Variants in PACS2 observed in about 807,000 individuals in gnomAD.
PACS2 encodes PACS1-like protein.
PACS2 carries 36 observed loss-of-function variants against 113.0 expected under a neutral mutation model. The observed-to-expected ratio is 0.32, with a 90% CI of 0.24 to 0.42. PACS2 has a LOEUF of 0.42. Ranked by LOEUF, PACS2 falls within the 10% of genes least tolerant of loss-of-function variation. The pLI, the probability that PACS2 is intolerant of heterozygous loss-of-function variation, is 1.00. For missense variants in PACS2, 1,015 were observed against 1,239.5 expected (o/e 0.82, Z 2.72); for synonymous variants, 589 against 536.1 (o/e 1.10, Z -1.36).
chr14:105,333,222 G>C (rs1272563148), intron 1 of PACS2, among the ~76,000 whole-genome samples: 3 of 152,214 alleles, frequency 2.0e-5, no homozygotes, highest in Non-Finnish European at 4.4e-5. Context: ...ATGTGCTCCT[G>C]GTTCCCTCTC....
chr14:105,392,812 A>G lies in PACS2; in HGVS notation c.2449A>G (p.Met817Val). ...GEAAATPTMS[M>V]TVVTKEKNKK... ...GGCTGCAGCCACGCCCACCATGTCC[A>G]TGACCGTGGTCACCAAGGAGAAGAA... Residue 817 changes from methionine to valine, a missense_variant, in exon 23 of 25, where the codon ATG becomes GTG. Coordinates refer to ENST00000447393, the MANE Select transcript of PACS2 (RefSeq NM_001100913.3). 2 of 1,607,740 alleles carry G rather than the reference A, an allele frequency of 1.2e-6. No individual in the cohort carries two copies. The highest frequency in any genetic ancestry group is 1.7e-6 in the Non-Finnish European group (2 of 1,179,832).
intron 1 of PACS2, among the ~76,000 whole-genome samples, chr14:105,335,859 G>A (rs1263963236): frequency 1.3e-5 from 2 of 152,240 alleles, no homozygotes; most frequent in Non-Finnish European, 2.9e-5. Context: ...GGACGGGCTG[G>A]GTGGTAAGTG....
chr14:105,315,127 G>T lies in PACS2; in HGVS notation c.119+90G>T. The stretch of plus-strand genomic sequence containing the variant: ...TCTGCGCGCCCCATCCCCGGCCCGG[G>T]TCCCCCAGCGGAGCCCAGGTCGCCC... On this transcript the variant is annotated intron_variant, in intron 1 of 24. Coordinates refer to ENST00000447393, the MANE Select transcript of PACS2 (RefSeq NM_001100913.3). The surrounding 1 kb of genome is among the most constrained non-coding windows in gnomAD (Gnocchi z 4.4). 1 of 823,446 alleles carries T rather than the reference G, an allele frequency of 1.2e-6. No homozygotes were observed. Among genetic ancestry groups the T allele is most frequent in the African/African-American group, 1.9e-5 (1 of 53,826 alleles). 51.0% of individuals were successfully genotyped at this position (823,446 alleles called of 1,614,324 possible). A position where few individuals can be genotyped will look rare whatever the true frequency, so the allele number is the denominator to read the frequency against.
chr14:105,369,568 G>A (rs1046749611), intron 7 of PACS2, among the ~76,000 whole-genome samples: 2 of 152,194 alleles, frequency 1.3e-5, no homozygotes, highest in African/African-American at 4.8e-5. Flanking sequence ...GAAGGGCCCC[G>A]TGAGCCTGGG....
In PACS2 at chr14:105,367,382, G is replaced by T. The variant is rs1555408218; in HGVS notation, c.586+7G>T. 3.7e-6 allele frequency: 6 copies of T among 1,612,162 alleles called. No individual in the cohort carries two copies. Among genetic ancestry groups the T allele is most frequent in the Non-Finnish European group, 5.1e-6 (6 of 1,179,302 alleles). On this transcript the variant is annotated splice_region_variant and intron_variant, in intron 5 of 24. Transcript: ENST00000447393. ...CCCAAGGCCAAGTCCACGGGTGAGT[G>T]TGGTGCCAGCCCGCTCCTGCCCCTG... is the stretch of plus-strand genomic sequence containing the variant.
intron 12 of PACS2, 107 bp downstream of exon 12, chr14:105,381,206 C>G: frequency 1.1e-6 from 1 of 935,476 alleles, no homozygotes. Context: ...CTGATGAGCT[C>G]CCTCGGGTGT....
At position 105,396,497 on chromosome 14, in the gene PACS2, C is replaced by CCT. The variant is rs2081532752; in HGVS notation, c.*1825_*1826insCT. On this transcript the variant is annotated 3_prime_UTR_variant, in exon 25 of 25. Coordinates refer to ENST00000447393, the MANE Select transcript of PACS2 (RefSeq NM_001100913.3). ...GTTTTTCTGCTCTCCAGTTTCTTTT[C>CCT]TTTTTTTTTTTTTTTTTTTTTGAGA... 8.6e-6 allele frequency: 1 copy of CCT among 115,628 alleles called. No individual in the cohort carries two copies. 7.2% of individuals were successfully genotyped at this position (115,628 alleles called of 1,614,324 possible). A position where few individuals can be genotyped will look rare whatever the true frequency, so the allele number is the denominator to read the frequency against.
chr14:105,383,605 T>G, intron 16 of PACS2, 92 bp downstream of exon 16: 1 of 1,307,376 alleles, frequency 7.6e-7, no homozygotes, highest in Non-Finnish European at 1.0e-6. Context: ...TGGCGTGTTG[T>G]GTGGCGTGGC....
chr14:105,324,066 CAG>C lies in PACS2; in HGVS notation c.119+9030_119+9031del, dbSNP rs1458339715. Among the ~76,000 whole-genome samples, 1 of 152,204 alleles carries C rather than the reference CAG, an allele frequency of 6.6e-6. No homozygotes were observed. Among genetic ancestry groups the C allele is most frequent in the Admixed American group, 6.5e-5 (1 of 15,278 alleles). ...TGGCTTTTGTGCAGGAGATGGAGGGCAGGGGGCTACAGTGCCCTTGGACTAAA... is the reference window on the plus strand; with the variant it reads ...TGGCTTTTGTGCAGGAGATGGAGGGCGGGGCTACAGTGCCCTTGGACTAAA... On this transcript the variant is annotated intron_variant, in intron 1 of 24. Coordinates refer to ENST00000447393, the MANE Select transcript of PACS2 (RefSeq NM_001100913.3). The surrounding 1 kb of genome is among the most constrained non-coding windows in gnomAD (Gnocchi z 4.7).
At chr14:105,316,723 G>A (rs1206476709) in intron 1 of PACS2, among the ~76,000 whole-genome samples, 2 of 151,854 alleles carry the variant, frequency 1.3e-5, no homozygotes, top group East Asian at 3.9e-4. Context: ...GGCGGGTTTC[G>A]AGAAGCCTGG....
Position 105,323,271 on chromosome 14 carries a change from T to C in PACS2, c.119+8234T>C, listed in dbSNP as rs750594432. Among the ~76,000 whole-genome samples, 12 of 152,226 alleles carry C rather than the reference T, an allele frequency of 7.9e-5. No homozygotes were observed. Among genetic ancestry groups the C allele is most frequent in the African/African-American group, 2.2e-4 (9 of 41,454 alleles). Reference sequence around the variant, plus strand: ...CTCTCTCTCACCTCTGGAGCAACAATTGGACGTGTTGCTCTTCCTGCCGGA... The same window carrying C: ...CTCTCTCTCACCTCTGGAGCAACAACTGGACGTGTTGCTCTTCCTGCCGGA... On this transcript the variant is annotated intron_variant, in intron 1 of 24. Transcript: ENST00000447393. This position sits in a 1 kb window ranked among gnomAD's most constrained non-coding sequence, Gnocchi z 4.1.
chr14:105,336,980 C>G (rs1444597785), intron 1 of PACS2, among the ~76,000 whole-genome samples: 1 of 152,206 alleles, frequency 6.6e-6, no homozygotes, highest in African/African-American at 2.4e-5. Flanking sequence ...ATGGACGCAG[C>G]CTGTATCCAT....
At chr14:105,345,193 G>A (rs2140984974) in intron 1 of PACS2, among the ~76,000 whole-genome samples, 1 of 152,262 alleles carries the variant, frequency 6.6e-6, no homozygotes, top group Middle Eastern at 3.4e-3. Flanking sequence ...GGATCACGAG[G>A]TCGGGAGATT....
At chr14:105,310,903 A>G (rs2058336116), upstream of PACS2, among the ~76,000 whole-genome samples, 1 of 152,250 alleles carries the variant, frequency 6.6e-6, no homozygotes, top group African/African-American at 2.4e-5. Context: ...TTTTATATGT[A>G]TAATCACTAA....
chr14:105,301,493 G>C (rs2058025073), intron 1 of PACS2, among the ~76,000 whole-genome samples: 1 of 151,728 alleles, frequency 6.6e-6, no homozygotes, highest in African/African-American at 2.4e-5. Context: ...ACCCAACCCC[G>C]GGCTCTGGGA....
intron 4 of PACS2, among the ~76,000 whole-genome samples, chr14:105,363,438 T>C (rs1257279059): frequency 6.6e-6 from 1 of 152,228 alleles, no homozygotes; most frequent in Non-Finnish European, 1.5e-5. Context: ...CGCTTCACCT[T>C]GCATTTCTGT....
rs968769105 is a variant in PACS2 at position 105,330,507 on chromosome 14, C to T, written c.119+15470C>T. Reference sequence around the variant, plus strand: ...TTTCTTTCCGAGCACTCAATGCTCACCTCCTGGGAGGGAGTGGGGCCGCAG... The same window carrying T: ...TTTCTTTCCGAGCACTCAATGCTCATCTCCTGGGAGGGAGTGGGGCCGCAG... On this transcript the variant is annotated intron_variant, in intron 1 of 24. Coordinates refer to ENST00000447393, the MANE Select transcript of PACS2 (RefSeq NM_001100913.3). The surrounding 1 kb of genome is among the most constrained non-coding windows in gnomAD (Gnocchi z 6.9). 6.6e-6 allele frequency among the ~76,000 whole-genome samples: 1 copy of T among 152,162 alleles called. No individual in the cohort carries two copies. The highest frequency in any genetic ancestry group is 1.5e-5 in the Non-Finnish European group (1 of 68,012).
rs895688779 is a variant in PACS2 at position 105,323,102 on chromosome 14, G to A, written c.119+8065G>A. Among the ~76,000 whole-genome samples the A allele has an allele frequency of 3.9e-5, 6 of 152,198 alleles. No homozygotes were observed. Among genetic ancestry groups the A allele is most frequent in the Non-Finnish European group, 8.8e-5 (6 of 68,032 alleles). Reference sequence around the variant, plus strand: ...GGTCATGTCATCGTTGCCAACGGTCGTCTCATGGTGGGTCCTGGTGTGGGT... The same window carrying A: ...GGTCATGTCATCGTTGCCAACGGTCATCTCATGGTGGGTCCTGGTGTGGGT... On this transcript the variant is annotated intron_variant, in intron 1 of 24. Transcript: ENST00000447393. The surrounding 1 kb of genome is among the most constrained non-coding windows in gnomAD (Gnocchi z 4.1).
intron 1 of PACS2, among the ~76,000 whole-genome samples, chr14:105,305,693 G>T (rs1428932880): frequency 6.6e-6 from 1 of 152,226 alleles, no homozygotes; most frequent in Admixed American, 6.5e-5. Context: ...GCGGAGAACT[G>T]CCCTGGGGAC....
Sources: gnomAD v4.1 joint callset for allele counts (sites outside exome capture counted in the v4.1 genomes callset) on GRCh38, gnomAD v4.1.1 for gene constraint, Gnocchi (gnomAD v3.1) non-coding constraint, MANE v1.5 for transcripts, NCBI Gene and HGNC (gene_info 2026-07-23, HGNC 2026-07-21) for gene names.